Variants in PDE3A observed in about 807,000 individuals in gnomAD.
PDE3A encodes cGMP-inhibited 3',5'-cyclic phosphodiesterase 3A.
Under a neutral mutation model 98.3 loss-of-function variants are expected in PDE3A, and 43 were observed. The observed-to-expected ratio is 0.44, with a 90% CI of 0.34 to 0.56. The LOEUF (loss-of-function observed/expected upper bound fraction) is 0.56, where lower values mean the gene tolerates loss of function less well. Among genes scored for constraint, PDE3A ranks in the 20% least tolerant of loss-of-function variants. The pLI is 0.01. For synonymous variants in PDE3A, 663 were observed against 567.9 expected (o/e 1.17, Z -2.38); for missense variants, 1,427 against 1,440.7 (o/e 0.99, Z 0.15).
At chr12:20,600,305 T>A (rs1210152667) in intron 2 of PDE3A, among the ~76,000 whole-genome samples, 3 of 152,210 alleles carry the variant, frequency 2.0e-5, no homozygotes, top group African/African-American at 7.2e-5. Flanking sequence ...TGATTCCTCA[T>A]TCTATGAAAG....
chr12:20,631,123 G>A (rs561306259), intron 6 of PDE3A, among the ~76,000 whole-genome samples: 39 of 151,714 alleles, frequency 2.6e-4, no homozygotes, highest in Admixed American at 2.0e-4. Context: ...TATCTTTACC[G>A]GCATTTTTAC....
intron 5 of PDE3A, among the ~76,000 whole-genome samples, chr12:20,621,728 T>G (rs577112074): frequency 1.3e-5 from 2 of 152,124 alleles, no homozygotes; most frequent in African/African-American, 4.8e-5. Context: ...GAAATTCCAA[T>G]TTTTTAGTGT....
rs1160311957 is a variant in PDE3A at position 20,644,320 on chromosome 12, A to G, written c.2252-2170A>G. ...GTTCTACAGCAGCAATTTATTTTAC[A>G]TGAATAATGTTTACACAAATTACAA... On this transcript the variant is annotated intron_variant, in intron 10 of 15. Coordinates refer to ENST00000359062, the MANE Select transcript of PDE3A (RefSeq NM_000921.5). Among the ~76,000 whole-genome samples, 4 of 152,222 alleles carry G rather than the reference A, an allele frequency of 2.6e-5. No individual in the cohort carries two copies. In the South Asian group the frequency reaches 6.2e-4, roughly 24 times the overall value.
At chr12:20,431,865 AGTT>A (rs1351127819) in intron 1 of PDE3A, among the ~76,000 whole-genome samples, 9 of 152,224 alleles carry the variant, frequency 5.9e-5, no homozygotes, top group African/African-American at 2.2e-4. Context: ...CACATTTTGC[AGTT>A]GTTGTAAGGT....
intron 1 of PDE3A, among the ~76,000 whole-genome samples, chr12:20,546,749 T>C (rs1229105090): frequency 6.6e-6 from 1 of 152,016 alleles, no homozygotes; most frequent in Non-Finnish European, 1.5e-5. Flanking sequence ...GACAATAAAA[T>C]TGTACTATTT....
chr12:20,422,860 T>G (rs1944543268), intron 1 of PDE3A, among the ~76,000 whole-genome samples: 1 of 152,190 alleles, frequency 6.6e-6, no homozygotes, highest in African/African-American at 2.4e-5. Context: ...AAAACTTGAG[T>G]TGTGACTGTC....
At chr12:20,603,488 A>G (rs1208816228) in intron 2 of PDE3A, among the ~76,000 whole-genome samples, 1 of 152,204 alleles carries the variant, frequency 6.6e-6, no homozygotes, top group Non-Finnish European at 1.5e-5. Flanking sequence ...AGGGAGTACA[A>G]TATATCTGAC....
intron 1 of PDE3A, among the ~76,000 whole-genome samples, chr12:20,549,842 G>C (rs1208696145): frequency 6.6e-6 from 1 of 151,844 alleles, no homozygotes; most frequent in East Asian, 1.9e-4. Flanking sequence ...AACACACTTG[G>C]CAAATTTTAC....
In PDE3A at chr12:20,368,592, C is replaced by T. The variant is rs1377245538; in HGVS notation, c.-693C>T. Among the ~76,000 whole-genome samples the T allele has an allele frequency of 6.6e-6, 1 of 151,908 alleles. No individual in the cohort carries two copies. Among genetic ancestry groups the T allele is most frequent in the Non-Finnish European group, 1.5e-5 (1 of 67,934 alleles). On this transcript the variant is annotated 5_prime_UTR_variant, in exon 1 of 16. Coordinates refer to ENST00000359062, the MANE Select transcript of PDE3A (RefSeq NM_000921.5). Reference sequence around the variant, plus strand: ...CGGGACTTAGCAACTTCTTATTTCTCAGCCCCTTGTCCATTTTTTTTTTTC... The same window carrying T: ...CGGGACTTAGCAACTTCTTATTTCTTAGCCCCTTGTCCATTTTTTTTTTTC...
chr12:20,604,235 G>A (rs1943660988), intron 2 of PDE3A, among the ~76,000 whole-genome samples: 1 of 151,406 alleles, frequency 6.6e-6, no homozygotes, highest in African/African-American at 2.4e-5. Context: ...GGGGAGGGGA[G>A]GGAGATAAAA....
At chr12:20,541,181 C>T (rs578172212) in intron 1 of PDE3A, among the ~76,000 whole-genome samples, 19 of 138,044 alleles carry the variant, frequency 1.4e-4, no homozygotes, top group East Asian at 2.5e-4. Context: ...ACTATAGCCT[C>T]GAACTCCTGG....
At chr12:20,459,444 T>C (rs1945210840) in intron 1 of PDE3A, among the ~76,000 whole-genome samples, 1 of 152,180 alleles carries the variant, frequency 6.6e-6, no homozygotes, top group South Asian at 2.1e-4. Flanking sequence ...AAGTATGTTA[T>C]GTGTATAAAG....
intron 1 of PDE3A, chr12:20,449,862 TG>T: frequency 1.6e-6 from 1 of 610,420 alleles, no homozygotes; most frequent in Non-Finnish European, 2.8e-6. Flanking sequence ...CCCCTTTTAG[TG>T]GACATTTGGG....
At chr12:20,531,062 C>A (rs780761320) in intron 1 of PDE3A, among the ~76,000 whole-genome samples, 2 of 152,152 alleles carry the variant, frequency 1.3e-5, no homozygotes, top group Non-Finnish European at 2.9e-5. Context: ...TAAGAGGGTT[C>A]CCCCTATCAG....
intron 1 of PDE3A, among the ~76,000 whole-genome samples, chr12:20,408,141 G>A (rs1453839905): frequency 6.6e-6 from 1 of 152,036 alleles, no homozygotes. Context: ...GGCTGGTCTC[G>A]AACTCCTGAC....
intron 1 of PDE3A, among the ~76,000 whole-genome samples, chr12:20,478,387 G>A (rs1208541555): frequency 1.3e-5 from 2 of 152,188 alleles, no homozygotes; most frequent in African/African-American, 4.8e-5. Context: ...ACCCTCATTA[G>A]AGCGAGCTTC....
intron 2 of PDE3A, among the ~76,000 whole-genome samples, chr12:20,611,011 A>G (rs896314644): frequency 2.0e-5 from 3 of 151,856 alleles, no homozygotes; most frequent in Admixed American, 6.6e-5. Context: ...ATTGTATTGT[A>G]TTACAGATTT....
intron 2 of PDE3A, among the ~76,000 whole-genome samples, chr12:20,581,436 C>T (rs1360147441): frequency 1.3e-5 from 2 of 152,102 alleles, no homozygotes; most frequent in African/African-American, 4.8e-5. Flanking sequence ...ACATGCTTCA[C>T]AGCTTAGAAC....
chr12:20,626,394 A>AT (rs398116200), intron 5 of PDE3A, among the ~76,000 whole-genome samples: 1 of 149,266 alleles, frequency 6.7e-6, no homozygotes, highest in African/African-American at 2.5e-5. Flanking sequence ...AAAAAAAAAA[A>AT]GAGAACTTAT....
Sources: gnomAD v4.1 joint callset for allele counts (sites outside exome capture counted in the v4.1 genomes callset) on GRCh38, gnomAD v4.1.1 for gene constraint, MANE v1.5 for transcripts, NCBI Gene and HGNC (gene_info 2026-07-23, HGNC 2026-07-21) for gene names.